The following DPP10 variants were observed in gnomAD, a reference collection of about 807,000 sequenced individuals.
The protein encoded by DPP10 is inactive dipeptidyl peptidase 10.
In DPP10, 33 loss-of-function variants were observed where a neutral mutation model predicts 120.9. The ratio of observed to expected loss-of-function variants is 0.27; its 90% CI spans 0.21 to 0.37. The LOEUF is 0.37. DPP10 is among the 10% of genes least tolerant of loss of function. DPP10 has a pLI of 1.00. For missense variants in DPP10, 816 were observed against 942.8 expected (o/e 0.87, Z 1.76); for synonymous variants, 337 against 326.1 (o/e 1.03, Z -0.36).
intron 1 of DPP10, among the ~76,000 whole-genome samples, chr2:114,866,746 A>C (rs971652962): frequency 3.9e-5 from 6 of 152,238 alleles, no homozygotes; most frequent in African/African-American, 1.4e-4. Context: ...TAAATTTACT[A>C]TGCAGCATTT....
intron 4 of DPP10, among the ~76,000 whole-genome samples, chr2:115,505,788 TAAG>T: frequency 6.6e-6 from 1 of 152,236 alleles, no homozygotes; most frequent in East Asian, 1.9e-4. Context: ...CAACCAGAGT[TAAG>T]AATAATGTAT....
intron 1 of DPP10, among the ~76,000 whole-genome samples, chr2:115,247,720 G>A (rs2058594121): frequency 1.3e-5 from 2 of 152,018 alleles, no homozygotes; most frequent in African/African-American, 4.8e-5. Context: ...ATGCATGGAG[G>A]TAAAAACAAA....
At chr2:115,777,032 C>A (rs1029554105) in intron 13 of DPP10, among the ~76,000 whole-genome samples, 176 bp from the exon 14 acceptor site, 1 of 152,090 alleles carries the variant, frequency 6.6e-6, no homozygotes, top group African/African-American at 2.4e-5. Flanking sequence ...ACTAACCTAC[C>A]TGCCTTGATC....
chr2:114,765,714 T>C (rs1485899975), intron 1 of DPP10, among the ~76,000 whole-genome samples: 2 of 152,190 alleles, frequency 1.3e-5, no homozygotes, highest in African/African-American at 2.4e-5. Context: ...AATTTGGAAA[T>C]TCCAGCTTAC....
Position 114,921,968 on chromosome 2 carries a change from T to A in DPP10, c.61-387271T>A, listed in dbSNP as rs139680618. Among the ~76,000 whole-genome samples, 1,217 of 152,366 alleles carry A rather than the reference T, an allele frequency of 8.0e-3. 23 individuals carry two copies. Among genetic ancestry groups the A allele is most frequent in the African/African-American group, 0.027 (1,142 of 41,588 alleles). ...TACTCTACTACTTTTTGAGGTTTAA[T>A]GCCTTTATCATAATATTATGTCATC... On this transcript the variant is annotated intron_variant, in intron 1 of 25. Coordinates refer to ENST00000410059, the MANE Select transcript of DPP10 (RefSeq NM_020868.6).
intron 1 of DPP10, among the ~76,000 whole-genome samples, chr2:114,766,005 C>A (rs1680677124): frequency 6.6e-6 from 1 of 151,910 alleles, no homozygotes. Context: ...AATATGTAAA[C>A]CACCATGAGT....
chr2:115,066,827 A>T (rs1450558162), intron 1 of DPP10: 3 of 152,196 alleles, frequency 2.0e-5, no homozygotes, highest in Admixed American at 2.0e-4. Context: ...TCAGCATACA[A>T]TGTGATGTTT....
Position 115,840,769 on chromosome 2 carries a change from C to G in DPP10, c.2202C>G (p.His734Gln). Residue 734 changes from histidine to glutamine, a missense_variant, in exon 25 of 26, where the codon CAC (histidine) becomes CAG (glutamine). Physicochemically the swap from His to Gln is conservative, Grantham distance 24. Coordinates refer to ENST00000410059, the MANE Select transcript of DPP10 (RefSeq NM_020868.6). ...GTADTKVHFQ[H>Q]SAELIKHLIK... ...TTGCAGCAAAAGTTCATTTCCAACACTCAGCAGAATTAATCAAGCACCTAA... is the reference window on the plus strand; with the variant it reads ...TTGCAGCAAAAGTTCATTTCCAACAGTCAGCAGAATTAATCAAGCACCTAA... The G allele has an allele frequency of 3.7e-6, 6 of 1,613,692 alleles. No individual in the cohort carries two copies. The highest frequency in any genetic ancestry group is 5.1e-6 in the Non-Finnish European group (6 of 1,179,840).
chr2:115,468,353 C>T (rs2074464182), intron 3 of DPP10: 12 of 511,376 alleles, frequency 2.3e-5, no homozygotes, highest in South Asian at 1.7e-4. Flanking sequence ...CAATTGCTGG[C>T]TGCTTCACTC....
At chr2:114,661,798 T>C (rs1429833594) in intron 1 of DPP10, among the ~76,000 whole-genome samples, 2 of 152,146 alleles carry the variant, frequency 1.3e-5, no homozygotes, top group African/African-American at 4.8e-5. Flanking sequence ...ATGTGCACAG[T>C]GATGGGGTTT....
intron 1 of DPP10, among the ~76,000 whole-genome samples, chr2:114,563,241 C>T (rs951784747): frequency 2.6e-5 from 4 of 151,854 alleles, no homozygotes; most frequent in Admixed American, 6.6e-5. Flanking sequence ...ACATGGTGGC[C>T]GGCACCTGTA....
intron 5 of DPP10, among the ~76,000 whole-genome samples, chr2:115,561,748 T>C (rs1434532497): frequency 6.6e-6 from 1 of 152,192 alleles, no homozygotes; most frequent in Admixed American, 6.5e-5. Flanking sequence ...CTTCTTAATC[T>C]TTTTAAGTTT....
chr2:115,277,137 A>C (rs547433791), intron 1 of DPP10, among the ~76,000 whole-genome samples: 1 of 152,342 alleles, frequency 6.6e-6, no homozygotes, highest in Non-Finnish European at 1.5e-5. Flanking sequence ...ACATTATTAA[A>C]GAAATAACAT....
At chr2:115,439,170 G>A (rs1177062) in intron 3 of DPP10, among the ~76,000 whole-genome samples, 13 of 119,620 alleles carry the variant, frequency 1.1e-4, no homozygotes, top group African/African-American at 2.3e-4. Context: ...ATGGTCATGG[G>A]AGCACAGTGT....
chr2:115,661,911 A>G (rs1157015930), intron 5 of DPP10, among the ~76,000 whole-genome samples: 1 of 152,184 alleles, frequency 6.6e-6, no homozygotes, highest in African/African-American at 2.4e-5. Context: ...GCACATTTCA[A>G]GTATATAAAA....
chr2:114,739,719 T>C (rs1677835134), intron 1 of DPP10, among the ~76,000 whole-genome samples: 1 of 152,142 alleles, frequency 6.6e-6, no homozygotes, highest in Non-Finnish European at 1.5e-5. Flanking sequence ...TTCATTTACA[T>C]TCTTCTGGTG....
At chr2:115,614,736 G>A (rs1300789227) in intron 5 of DPP10, among the ~76,000 whole-genome samples, 2 of 152,174 alleles carry the variant, frequency 1.3e-5, no homozygotes, top group African/African-American at 4.8e-5. Context: ...GCAAGGCTAA[G>A]AGACCTGCTA....
intron 1 of DPP10, among the ~76,000 whole-genome samples, chr2:114,877,238 A>G (rs1691232523): frequency 6.6e-6 from 1 of 152,090 alleles, no homozygotes; most frequent in African/African-American, 2.4e-5. Context: ...ATTCACTCTG[A>G]TTAAGAAAGA....
chr2:115,005,424 A>G (rs1402554455), intron 1 of DPP10, among the ~76,000 whole-genome samples: 6 of 152,018 alleles, frequency 3.9e-5, no homozygotes, highest in Non-Finnish European at 8.8e-5. Context: ...ACTCTGAGCT[A>G]CGGGAGGACA....
Sources: gnomAD v4.1 joint callset for allele counts (sites outside exome capture counted in the v4.1 genomes callset) on GRCh38, gnomAD v4.1.1 for gene constraint, MANE v1.5 for transcripts, NCBI Gene and HGNC (gene_info 2026-07-23, HGNC 2026-07-21) for gene names.